The following CHCHD6 variants were observed in gnomAD, a reference collection of about 807,000 sequenced individuals.
The protein encoded by CHCHD6 is coiled-coil-helix-coiled-coil-helix domain containing 6.
A neutral mutation model predicts 32.3 loss-of-function variants in CHCHD6; 28 were observed. The ratio of observed to expected loss-of-function variants is 0.87; its 90% CI spans 0.64 to 1.19. CHCHD6 has a LOEUF of 1.19. Ranked by LOEUF, CHCHD6 falls within the 50% of genes most tolerant of loss-of-function variation. The probability of loss-of-function intolerance (pLI) is 0.00; values close to 1 mark genes in which losing one functional copy is unlikely to be tolerated. For missense variants in CHCHD6, 333 were observed against 307.0 expected (o/e 1.08, Z -0.63); for synonymous variants, 122 against 117.5 (o/e 1.04, Z -0.25).
intron 4 of CHCHD6, among the ~76,000 whole-genome samples, chr3:126,844,135 TGTG>T (rs1210345811): frequency 6.6e-6 from 1 of 152,230 alleles, no homozygotes; most frequent in African/African-American, 2.4e-5. Flanking sequence ...TAGCTCAAGA[TGTG>T]GTCCATTTCA....
At chr3:126,904,390 T>TG (rs2107584725) in intron 5 of CHCHD6, among the ~76,000 whole-genome samples, 1 of 152,316 alleles carries the variant, frequency 6.6e-6, no homozygotes, top group African/African-American at 2.4e-5. Flanking sequence ...CTTGGCCACT[T>TG]GCAGTGAGAA....
At chr3:126,785,026 A>G (rs1938129809) in intron 4 of CHCHD6, among the ~76,000 whole-genome samples, 1 of 152,154 alleles carries the variant, frequency 6.6e-6, no homozygotes, top group South Asian at 2.1e-4. Context: ...TTATATATTT[A>G]CAAAAATGTT....
At chr3:126,881,667 C>T (rs2077611937) in intron 5 of CHCHD6, among the ~76,000 whole-genome samples, 1 of 152,168 alleles carries the variant, frequency 6.6e-6, no homozygotes, top group Non-Finnish European at 1.5e-5. Context: ...AAAGGAGCTT[C>T]TCGAAGGAGT....
chr3:126,844,505 A>G (rs1190763736), intron 4 of CHCHD6, among the ~76,000 whole-genome samples: 1 of 152,198 alleles, frequency 6.6e-6, no homozygotes, highest in East Asian at 1.9e-4. Context: ...TTCTTCTTTA[A>G]CTAATATTAA....
At chr3:126,791,606 G>A (rs1234958736) in intron 4 of CHCHD6, among the ~76,000 whole-genome samples, 1 of 152,238 alleles carries the variant, frequency 6.6e-6, no homozygotes, top group Non-Finnish European at 1.5e-5. Flanking sequence ...CTCCGTGGGT[G>A]TGTGACCTTT....
At chr3:126,749,481 A>G (rs953791861) in intron 4 of CHCHD6, among the ~76,000 whole-genome samples, 3 of 152,166 alleles carry the variant, frequency 2.0e-5, no homozygotes, top group Admixed American at 1.3e-4. Flanking sequence ...GGAGATGCCT[A>G]GACTCCTCTC....
intron 1 of CHCHD6, among the ~76,000 whole-genome samples, chr3:126,714,713 C>T (rs1305897131): frequency 3.3e-5 from 5 of 152,170 alleles, no homozygotes; most frequent in Non-Finnish European, 7.4e-5. Flanking sequence ...ATCTCTTCCT[C>T]GTTTTCCAGT....
intron 5 of CHCHD6, among the ~76,000 whole-genome samples, chr3:126,885,526 G>A (rs539974257): frequency 5.3e-5 from 8 of 152,286 alleles, no homozygotes; most frequent in East Asian, 3.9e-4. Context: ...GTTGAATCAC[G>A]TTTGAAAAAT....
intron 4 of CHCHD6, among the ~76,000 whole-genome samples, chr3:126,800,060 T>C (rs746874139): frequency 1.6e-4 from 24 of 152,242 alleles, no homozygotes; most frequent in Non-Finnish European, 3.1e-4. Context: ...ATCAACACTG[T>C]GCCAAATATA....
chr3:126,871,520 G>C (rs1291016477), intron 5 of CHCHD6, among the ~76,000 whole-genome samples: 2 of 152,018 alleles, frequency 1.3e-5, no homozygotes, highest in Non-Finnish European at 2.9e-5. Flanking sequence ...TCATCAGATT[G>C]TAGGTCTCCT....
intron 4 of CHCHD6, among the ~76,000 whole-genome samples, chr3:126,794,356 A>G (rs1938690440): frequency 6.9e-6 from 1 of 145,874 alleles, no homozygotes; most frequent in Non-Finnish European, 1.5e-5. Flanking sequence ...GGTTCTTTGC[A>G]TTTTGTGTTT....
At chr3:126,786,392 G>A (rs548462570) in intron 4 of CHCHD6, among the ~76,000 whole-genome samples, 1 of 152,314 alleles carries the variant, frequency 6.6e-6, no homozygotes, top group East Asian at 1.9e-4. Context: ...ATATCCCTGA[G>A]GAATCGCCAC....
At chr3:126,892,470 A>G (rs1032372935) in intron 5 of CHCHD6, among the ~76,000 whole-genome samples, 10 of 152,068 alleles carry the variant, frequency 6.6e-5, no homozygotes, top group Admixed American at 2.0e-4. Flanking sequence ...CAACTTCACA[A>G]TGTAGTTCCT....
intron 4 of CHCHD6, among the ~76,000 whole-genome samples, chr3:126,787,973 A>C (rs1275736240): frequency 6.6e-6 from 1 of 152,148 alleles, no homozygotes; most frequent in Non-Finnish European, 1.5e-5. Flanking sequence ...TGTCATAAAT[A>C]TCTCTTATTA....
intron 4 of CHCHD6, among the ~76,000 whole-genome samples, chr3:126,787,322 C>T (rs1938267239): frequency 6.6e-6 from 1 of 152,062 alleles, no homozygotes; most frequent in Non-Finnish European, 1.5e-5. Flanking sequence ...TTTTTTGGTT[C>T]CATATGAACT....
intron 5 of CHCHD6, among the ~76,000 whole-genome samples, chr3:126,863,751 T>TTCCACCACCATCACCTCCTCC (rs1942081193): frequency 2.8e-5 from 1 of 35,882 alleles, no homozygotes; most frequent in East Asian, 1.2e-3. Context: ...CCACCTCCTC[T>TTCCACCACCATCACCTCCTCC]TCCACCACCA....
intron 6 of CHCHD6, among the ~76,000 whole-genome samples, chr3:126,948,075 G>T (rs73209660): frequency 1.8e-4 from 28 of 152,270 alleles, no homozygotes; most frequent in South Asian, 6.2e-4. Flanking sequence ...CTCAGAAAAC[G>T]ATCAGAGATA....
chr3:126,755,371 T>A (rs1371172166), intron 4 of CHCHD6, among the ~76,000 whole-genome samples: 2 of 152,182 alleles, frequency 1.3e-5, no homozygotes, highest in African/African-American at 4.8e-5. Context: ...CCCAAGCGAA[T>A]GCCCACATCT....
intron 4 of CHCHD6, among the ~76,000 whole-genome samples, chr3:126,849,137 T>C (rs1441733573): frequency 1.3e-5 from 2 of 152,208 alleles, no homozygotes; most frequent in African/African-American, 4.8e-5. Flanking sequence ...TGGCCCTCAG[T>C]GGAGGTCTTC....
Sources: allele counts gnomAD v4.1 joint callset (sites outside exome capture counted in the v4.1 genomes callset), GRCh38; gene constraint gnomAD v4.1.1; transcripts MANE v1.5; gene names NCBI Gene and HGNC (gene_info 2026-07-23, HGNC 2026-07-21).